Variants in SCFD1 observed in about 807,000 individuals in gnomAD.
The protein encoded by SCFD1 is sec1 family domain containing 1.
In SCFD1, 37 loss-of-function variants were observed where a neutral mutation model predicts 103.2. The ratio of observed to expected loss-of-function variants is 0.36; its 90% CI spans 0.28 to 0.47. The LOEUF (loss-of-function observed/expected upper bound fraction) is 0.47, where lower values mean the gene tolerates loss of function less well. SCFD1 is among the 20% of genes least tolerant of loss of function. The pLI is 1.00. For synonymous variants in SCFD1, 264 were observed against 245.0 expected (o/e 1.08, Z -0.73); for missense variants, 639 against 761.2 (o/e 0.84, Z 1.89).
chr14:30,702,411 A>G, intron 17 of SCFD1, 36 bp downstream of exon 17: 1 of 1,308,678 alleles, frequency 7.6e-7, no homozygotes, highest in African/African-American at 1.5e-5. Context: ...CCTGTCATTT[A>G]AAAGAGTACA....
At chr14:30,735,096 G>C (rs1025517493) in intron 24 of SCFD1, 3 of 409,816 alleles carry the variant, frequency 7.3e-6, no homozygotes, top group Non-Finnish European at 1.3e-5. Context: ...GGCTTTTAAT[G>C]ATCCTTTAGA....
At chr14:30,734,988 G>C in intron 24 of SCFD1, 130 bp downstream of exon 24, 1 of 650,482 alleles carries the variant, frequency 1.5e-6, no homozygotes, top group Non-Finnish European at 2.7e-6. Context: ...GCTATACCAA[G>C]ATAAGGTGTT....
chr14:30,696,607 A>G (rs114682730), intron 15 of SCFD1, among the ~76,000 whole-genome samples: 1,673 of 152,346 alleles, frequency 0.011, 28 homozygotes, highest in African/African-American at 0.038. Flanking sequence ...AGGGAGGATT[A>G]GTAATCTGGC....
chr14:30,683,319 G>C (rs1889645942), intron 14 of SCFD1: 2 of 680,466 alleles, frequency 2.9e-6, no homozygotes. Context: ...ATTTCACCTG[G>C]GTGCATTGTA....
intron 10 of SCFD1, among the ~76,000 whole-genome samples, chr14:30,665,206 G>A (rs767680935): frequency 6.6e-6 from 1 of 152,152 alleles, no homozygotes; most frequent in African/African-American, 2.4e-5. Context: ...AGCAGAAACT[G>A]TACAAGCAAG....
intron 14 of SCFD1, chr14:30,683,089 G>C: frequency 7.4e-7 from 1 of 1,344,500 alleles, no homozygotes; most frequent in Non-Finnish European, 1.1e-6. Context: ...GTTTCTTGCA[G>C]ATACTTCTTA....
chr14:30,731,364 G>A (rs1697365447), intron 23 of SCFD1, among the ~76,000 whole-genome samples: 1 of 152,194 alleles, frequency 6.6e-6, no homozygotes, highest in African/African-American at 2.4e-5. Flanking sequence ...GAACTTTAAA[G>A]TAGTTTTTTC....
chr14:30,715,600 A>G (rs560301107), intron 19 of SCFD1: 4 of 168,682 alleles, frequency 2.4e-5, no homozygotes, highest in African/African-American at 9.5e-5. Flanking sequence ...TTCTTGTTTG[A>G]TCAAAACAAA....
Position 30,700,249 on chromosome 14 carries a change from A to G in SCFD1, c.1401A>G (p.Ala467=). 1 of 1,602,222 alleles carries G rather than the reference A, an allele frequency of 6.2e-7. No individual in the cohort carries two copies. Among genetic ancestry groups the G allele is most frequent in the Non-Finnish European group, 8.6e-7 (1 of 1,169,334 alleles). Residue 467 remains alanine (A), a synonymous_variant, in exon 16 of 25, where the codon GCA becomes GCG. Transcript: ENST00000458591. The part of the protein sequence containing the change: ...FLIYYISTQQ[A]PSEADLEQYK... ...TCTATTATATAAGCACACAGCAAGC[A>G]CCTTCTGAGGTATGTCCTTTATTCA...
intron 4 of SCFD1, 150 bp from the exon 5 acceptor site, chr14:30,637,975 A>G (rs1050745600): frequency 3.2e-5 from 32 of 986,668 alleles, no homozygotes; most frequent in Non-Finnish European, 4.3e-5. Context: ...AACCAGTACT[A>G]CTTCAAAGGT....
In SCFD1 at chr14:30,673,268, A is replaced by C. The variant is rs1293620667; in HGVS notation, c.1007A>C (p.Glu336Ala). The C allele has an allele frequency of 2.5e-6, 4 of 1,588,490 alleles. No homozygotes were observed. The highest frequency in any genetic ancestry group is 3.4e-6 in the Non-Finnish European group (4 of 1,164,138). The change falls in exon 12 of 25, where the codon GAA becomes GCA. Residue 336 changes from glutamate (E) to alanine (A), a missense_variant. By Grantham distance (107) the Glu-to-Ala change is moderately radical (BLOSUM62 -1). Coordinates refer to ENST00000458591, the MANE Select transcript of SCFD1 (RefSeq NM_016106.4). Reference protein sequence around the residue: ...WQKHKGSPFPEVAESVQQELE... With the variant: ...WQKHKGSPFPAVAESVQQELE... ...CAATACTGTTTTAGTCCATTCCCAG[A>C]AGTTGCAGAATCAGTTCAGCAAGAA...
intron 14 of SCFD1, among the ~76,000 whole-genome samples, chr14:30,682,575 A>C (rs1423678118): frequency 6.6e-6 from 1 of 152,222 alleles, no homozygotes; most frequent in Non-Finnish European, 1.5e-5. Context: ...GTTTTGGAGA[A>C]TTCCAGTTAT....
At position 30,698,383 on chromosome 14, in the gene SCFD1, C is replaced by A. The variant is rs1890842053; in HGVS notation, c.1340-1805C>A. Among the ~76,000 whole-genome samples, 2 of 152,188 alleles carry A rather than the reference C, an allele frequency of 1.3e-5. 1 individual carries two copies. The highest frequency in any genetic ancestry group is 4.1e-4 in the South Asian group (2 of 4,832). ...CTTAGCATCAGATTGGTCTTTAAAA[C>A]CTTAGCAGATGTTCTAAGGCAGTTA... On this transcript the variant is annotated intron_variant, in intron 15 of 24. Coordinates refer to ENST00000458591, the MANE Select transcript of SCFD1 (RefSeq NM_016106.4).
intron 19 of SCFD1, among the ~76,000 whole-genome samples, chr14:30,708,854 CTT>C (rs1053882563): frequency 1.7e-4 from 26 of 152,138 alleles, no homozygotes; most frequent in African/African-American, 5.5e-4. Context: ...TTTTAAATGA[CTT>C]TTTTGTTTCT....
At chr14:30,704,765 A>C (rs1455422242) in intron 17 of SCFD1, among the ~76,000 whole-genome samples, 1 of 152,182 alleles carries the variant, frequency 6.6e-6, no homozygotes, top group Non-Finnish European at 1.5e-5. Context: ...TTAAAATAAG[A>C]ATCATTATGA....
chr14:30,711,761 T>C (rs1747544023), intron 19 of SCFD1, among the ~76,000 whole-genome samples: 1 of 152,056 alleles, frequency 6.6e-6, no homozygotes, highest in Admixed American at 6.6e-5. Flanking sequence ...GTAATAGTGT[T>C]TTGGGGTTTT....
At chr14:30,671,289 T>C (rs1888517909) in intron 11 of SCFD1, among the ~76,000 whole-genome samples, 1 of 152,142 alleles carries the variant, frequency 6.6e-6, no homozygotes, top group Admixed American at 6.6e-5. Context: ...AGTCACTGTC[T>C]TTCTCTTTCT....
intron 23 of SCFD1, among the ~76,000 whole-genome samples, chr14:30,730,035 T>C (rs1893335777): frequency 6.6e-6 from 1 of 152,162 alleles, no homozygotes; most frequent in African/African-American, 2.4e-5. Context: ...CAGGTCCCGG[T>C]GTGTGATGTT....
chr14:30,656,706 T>C (rs1886940268), intron 10 of SCFD1, among the ~76,000 whole-genome samples: 1 of 151,762 alleles, frequency 6.6e-6, no homozygotes, highest in African/African-American at 2.4e-5. Flanking sequence ...AATTCCAGTC[T>C]CAGATCCAGT....
Sources: gnomAD v4.1 joint callset for allele counts (sites outside exome capture counted in the v4.1 genomes callset) on GRCh38, gnomAD v4.1.1 for gene constraint, MANE v1.5 for transcripts, NCBI Gene and HGNC (gene_info 2026-07-23, HGNC 2026-07-21) for gene names.